The following PPP1R9A variants were observed in gnomAD, a reference collection of about 807,000 sequenced individuals.
The protein encoded by PPP1R9A is protein phosphatase 1 regulatory subunit 9A, also known as neurabin-1.
Under a neutral mutation model 141.9 loss-of-function variants are expected in PPP1R9A, and 59 were observed. The ratio of observed to expected loss-of-function variants is 0.42; its 90% CI spans 0.34 to 0.52. The LOEUF (loss-of-function observed/expected upper bound fraction) is 0.52. PPP1R9A is among the 20% of genes least tolerant of loss of function. The pLI, the probability that PPP1R9A is intolerant of heterozygous loss-of-function variation, is 0.10. For synonymous variants in PPP1R9A, 500 were observed against 569.7 expected (o/e 0.88, Z 1.74); for missense variants, 1,444 against 1,611.9 (o/e 0.90, Z 1.78).
Position 94,911,239 on chromosome 7 carries a change from G to T in PPP1R9A, c.1126G>T (p.Ala376Ser), listed in dbSNP as rs565628722. The T allele has an allele frequency of 1.2e-6, 2 of 1,614,186 alleles. No individual in the cohort carries two copies. The highest frequency in any genetic ancestry group is 2.2e-5 in the South Asian group (2 of 91,080). ...TGATTTCACCTCTCCTGATGCTTCT[G>T]CATCCAGTTGTGGAAAAGAAGTACC... ...GGDFTSPDAS[A>S]SSCGKEVPED... Residue 376 changes from alanine (A) to serine (S), a missense_variant, in exon 2 of 20, where the codon GCA becomes TCA. Physicochemically the swap from Ala to Ser is moderately conservative, Grantham distance 99. Transcript: ENST00000433360.
chr7:95,070,691 T>A (rs1235695716), intron 2 of PPP1R9A, among the ~76,000 whole-genome samples: 1 of 150,894 alleles, frequency 6.6e-6, no homozygotes, highest in Non-Finnish European at 1.5e-5. Context: ...TGTAAAATTC[T>A]AAGTTCAGGA....
At chr7:95,048,123 G>A (rs1270895818) in intron 2 of PPP1R9A, among the ~76,000 whole-genome samples, 1 of 152,116 alleles carries the variant, frequency 6.6e-6, no homozygotes, top group Non-Finnish European at 1.5e-5. Flanking sequence ...AGTACATAAA[G>A]TCCAGCATAA....
At chr7:95,127,672 G>T (rs984461112) in intron 4 of PPP1R9A, among the ~76,000 whole-genome samples, 2 of 151,814 alleles carry the variant, frequency 1.3e-5, no homozygotes, top group Non-Finnish European at 2.9e-5. Flanking sequence ...TCCCTCTCTT[G>T]CTCTCCCCTC....
At chr7:95,108,936 C>T (rs186387758) in intron 2 of PPP1R9A, 26 of 152,080 alleles carry the variant, frequency 1.7e-4, no homozygotes, top group Admixed American at 1.1e-3. Flanking sequence ...AGTCATAAAC[C>T]GGGACCTATT....
intron 5 of PPP1R9A, among the ~76,000 whole-genome samples, chr7:95,184,076 T>C (rs2520451): frequency 0.43 from 64,659 of 151,868 alleles, 13,940 homozygotes; most frequent in Middle Eastern, 0.5. Flanking sequence ...GGAGCAAGAG[T>C]TTGGTTGTCT....
rs145581328 is a variant in PPP1R9A at position 95,182,062 on chromosome 7, A to T, written c.1755-16287A>T. ...GGTGGCAAGGGATAAAAGACTACAAATAGGGTGCAGTGTATACTGCTGGGT... is the reference window on the plus strand; with the variant it reads ...GGTGGCAAGGGATAAAAGACTACAATTAGGGTGCAGTGTATACTGCTGGGT... On this transcript the variant is annotated intron_variant, in intron 5 of 19. Coordinates refer to ENST00000433360, the MANE Select transcript of PPP1R9A (RefSeq NM_001166160.2). Among the ~76,000 whole-genome samples the T allele has an allele frequency of 1.4e-3, 215 of 152,120 alleles. 1 individual carries two copies. In the East Asian group the frequency reaches 0.03, roughly 21 times the overall value.
intron 12 of PPP1R9A, among the ~76,000 whole-genome samples, chr7:95,256,617 T>C (rs1224484325): frequency 6.6e-6 from 1 of 152,074 alleles, no homozygotes; most frequent in Non-Finnish European, 1.5e-5. Flanking sequence ...TTCAGTGTTG[T>C]CCTAGAGGTC....
chr7:95,090,151 A>G (rs892368823), intron 2 of PPP1R9A, among the ~76,000 whole-genome samples: 16 of 151,926 alleles, frequency 1.1e-4, no homozygotes, highest in African/African-American at 3.9e-4. Context: ...TTTAAGGTCA[A>G]CACTCACTAA....
intron 2 of PPP1R9A, among the ~76,000 whole-genome samples, chr7:95,093,618 A>G (rs760134014): frequency 7.2e-5 from 11 of 152,352 alleles, no homozygotes; most frequent in Middle Eastern, 3.4e-3. Flanking sequence ...ATTTTTTGCC[A>G]GGAAAAACCT....
intron 6 of PPP1R9A, among the ~76,000 whole-genome samples, chr7:95,199,525 A>G (rs962114612): frequency 2.6e-5 from 4 of 152,216 alleles, no homozygotes; most frequent in Non-Finnish European, 4.4e-5. Context: ...CCCAATGTAT[A>G]TTAAGATCTC....
At chr7:95,020,661 G>A (rs1332928855) in intron 2 of PPP1R9A, among the ~76,000 whole-genome samples, 1 of 151,996 alleles carries the variant, frequency 6.6e-6, no homozygotes, top group Non-Finnish European at 1.5e-5. Flanking sequence ...TTGTGTCCAT[G>A]TGTTCTCATT....
chr7:95,051,224 C>T (rs180916303), intron 2 of PPP1R9A, among the ~76,000 whole-genome samples: 33 of 151,502 alleles, frequency 2.2e-4, no homozygotes, highest in South Asian at 8.4e-4. Context: ...TATTCCAGGA[C>T]AATTTGTTGA....
intron 5 of PPP1R9A, among the ~76,000 whole-genome samples, chr7:95,173,581 A>G (rs976202744): frequency 3.9e-5 from 6 of 152,080 alleles, no homozygotes; most frequent in African/African-American, 7.2e-5. Context: ...GCCACTTAAG[A>G]AAATGGAAAA....
chr7:95,120,814 C>T lies in PPP1R9A; in HGVS notation c.1631C>T (p.Ala544Val), dbSNP rs1025093858. 1.9e-5 allele frequency: 30 copies of T among 1,613,292 alleles called. No homozygotes were observed. The highest frequency in any genetic ancestry group is 2.7e-5 in the African/African-American group (2 of 74,888). The change falls in exon 4 of 20, where the codon GCT becomes GTT. Residue 544 changes from alanine to valine, a missense_variant. Transcript: ENST00000433360. ...GTCAAGACAGTAACAGAAGGTGGTG[C>T]TGCTCAACGGGATGGCAGGTAAATT... is the stretch of plus-strand genomic sequence containing the variant. The part of the protein sequence containing the change: ...IFVKTVTEGG[A>V]AQRDGRIQVN...
At chr7:95,216,826 A>C (rs1432559643) in intron 7 of PPP1R9A, among the ~76,000 whole-genome samples, 1 of 152,168 alleles carries the variant, frequency 6.6e-6, no homozygotes, top group Non-Finnish European at 1.5e-5. Context: ...TTGTATCCTG[A>C]GACTTTGCTG....
chr7:95,011,590 A>C (rs1009406462), intron 2 of PPP1R9A, among the ~76,000 whole-genome samples: 2 of 152,310 alleles, frequency 1.3e-5, no homozygotes, highest in African/African-American at 4.8e-5. Context: ...CACATTTACT[A>C]CTAATCAGGA....
intron 5 of PPP1R9A, among the ~76,000 whole-genome samples, chr7:95,183,830 A>G (rs1834237191): frequency 6.6e-6 from 1 of 151,578 alleles, no homozygotes. Flanking sequence ...TAAATATTTC[A>G]GATCCAGCTT....
chr7:95,005,497 A>G (rs140113308), intron 2 of PPP1R9A, among the ~76,000 whole-genome samples: 35 of 152,328 alleles, frequency 2.3e-4, no homozygotes, highest in African/African-American at 7.7e-4. Flanking sequence ...AAGAAAACCT[A>G]TTCAGAATCG....
At chr7:94,956,112 C>T (rs553350759) in intron 2 of PPP1R9A, among the ~76,000 whole-genome samples, 7 of 152,196 alleles carry the variant, frequency 4.6e-5, no homozygotes, top group Non-Finnish European at 8.8e-5. Flanking sequence ...GCTGGTTGGA[C>T]AGACTTCCAA....
Sources: allele counts gnomAD v4.1 joint callset (sites outside exome capture counted in the v4.1 genomes callset), GRCh38; gene constraint gnomAD v4.1.1; transcripts MANE v1.5; gene names NCBI Gene and HGNC (gene_info 2026-07-23, HGNC 2026-07-21).